DMD: variants seen among roughly 807,000 people sequenced by gnomAD.
DMD encodes dystrophin.
Under a neutral mutation model 330.1 loss-of-function variants are expected in DMD, and 63 were observed. The observed-to-expected ratio is 0.19, with a 90% CI of 0.16 to 0.24. The LOEUF is 0.24. Among genes scored for constraint, DMD ranks in the 10% least tolerant of loss-of-function variants. DMD has a pLI of 1.00. For missense variants in DMD, 3,344 were observed against 2,684.1 expected (o/e 1.25, Z -5.43); for synonymous variants, 1,223 against 959.8 (o/e 1.27, Z -5.07).
intron 11 of DMD, among the ~76,000 whole-genome samples, chrX:32,633,841 C>T (rs971654263): frequency 3.6e-5 from 4 of 111,125 alleles, no homozygotes; most frequent in African/African-American, 1.3e-4. Context: ...TTTTAAACAA[C>T]CAGATCTTGC....
intron 44 of DMD, among the ~76,000 whole-genome samples, chrX:32,063,222 A>G (rs2096240238): frequency 9.2e-6 from 1 of 108,628 alleles, no homozygotes; most frequent in African/African-American, 3.3e-5. Context: ...ACATGATTAT[A>G]TATCCATATC....
At chrX:33,330,586 C>G (rs781224784) in intron 1 of DMD, among the ~76,000 whole-genome samples, 4 of 111,634 alleles carry the variant, frequency 3.6e-5, no homozygotes, top group African/African-American at 1.3e-4. Context: ...TGGGAGGTAA[C>G]TGTTTTCAAA....
chrX:32,733,732 C>T (rs2068035051), intron 7 of DMD, among the ~76,000 whole-genome samples: 1 of 108,326 alleles, frequency 9.2e-6, no homozygotes, highest in Admixed American at 9.9e-5. Context: ...AAAGACACAA[C>T]ATACCAGAAT....
At chrX:31,912,168 C>T (rs1433020910) in intron 47 of DMD, among the ~76,000 whole-genome samples, 1 of 111,006 alleles carries the variant, frequency 9.0e-6, no homozygotes, top group South Asian at 3.8e-4. Flanking sequence ...TGACCCACTA[C>T]CGCTTTCTGA....
chrX:31,528,013 T>C (rs2073376748), intron 55 of DMD, among the ~76,000 whole-genome samples: 1 of 111,443 alleles, frequency 9.0e-6, no homozygotes, highest in Admixed American at 9.6e-5. Flanking sequence ...CTTCCTTTAG[T>C]CATTAAAAAA....
chrX:31,188,162 T>C (rs2148396296), intron 67 of DMD, among the ~76,000 whole-genome samples: 1 of 112,159 alleles, frequency 8.9e-6, no homozygotes, highest in African/African-American at 3.2e-5. Flanking sequence ...GAAGACAAGG[T>C]ACGGGGATTC....
At chrX:32,594,405 A>G (rs1273136363) in intron 13 of DMD, among the ~76,000 whole-genome samples, 1 of 111,405 alleles carries the variant, frequency 9.0e-6, no homozygotes, top group Admixed American at 9.6e-5. Context: ...TGGGCACTCA[A>G]CACTAATAGG....
intron 7 of DMD, among the ~76,000 whole-genome samples, chrX:32,800,650 T>C (rs1027537733): frequency 8.1e-5 from 9 of 111,144 alleles, no homozygotes; most frequent in African/African-American, 2.9e-4. Context: ...GGTGGTTTGC[T>C]GTACCAATCC....
intron 7 of DMD, among the ~76,000 whole-genome samples, chrX:32,792,792 A>T (rs1233815506): frequency 8.9e-6 from 1 of 112,184 alleles, no homozygotes; most frequent in African/African-American, 3.2e-5. Flanking sequence ...TACACCCAAC[A>T]CGAGAGCTCC....
chrX:32,136,903 T>C (rs6631501), intron 44 of DMD, among the ~76,000 whole-genome samples: 1 of 108,468 alleles, frequency 9.2e-6, no homozygotes, highest in African/African-American at 3.4e-5. Context: ...AGATTTACCT[T>C]AAGCTAGATG....
At chrX:31,285,020 A>G (rs1438990838) in intron 62 of DMD, among the ~76,000 whole-genome samples, 3 of 111,078 alleles carry the variant, frequency 2.7e-5, no homozygotes, top group African/African-American at 9.9e-5. Flanking sequence ...CAGTCTGCCA[A>G]TGTACGTAGG....
At chrX:32,815,251 A>C (rs111872270) in intron 6 of DMD, among the ~76,000 whole-genome samples, 1,166 of 107,605 alleles carry the variant, frequency 0.011, 16 homozygotes, top group African/African-American at 0.037. Flanking sequence ...AGAGAAAATT[A>C]ATATTCTTAG....
At chrX:31,666,389 G>A (rs1358695625) in intron 53 of DMD, among the ~76,000 whole-genome samples, 9 of 111,852 alleles carry the variant, frequency 8.0e-5, no homozygotes, top group Admixed American at 7.6e-4. Flanking sequence ...CATGGTCCCC[G>A]AGTGACTAAG....
intron 7 of DMD, among the ~76,000 whole-genome samples, chrX:32,780,092 T>C (rs971000001): frequency 8.9e-6 from 1 of 111,997 alleles, no homozygotes; most frequent in African/African-American, 3.2e-5. Context: ...TTACCCGATA[T>C]GTAGTGTGTA....
chrX:32,012,003 A>G (rs2095712523), intron 44 of DMD, among the ~76,000 whole-genome samples: 1 of 111,866 alleles, frequency 8.9e-6, no homozygotes, highest in African/African-American at 3.2e-5. Context: ...CTGACTCCTC[A>G]AGTCTAAACA....
At chrX:33,107,732 G>A (rs1190048154) in intron 1 of DMD, among the ~76,000 whole-genome samples, 1 of 111,498 alleles carries the variant, frequency 9.0e-6, no homozygotes, top group African/African-American at 3.3e-5. Flanking sequence ...GGACAGTCAA[G>A]TTCCTAAAGA....
At chrX:31,701,277 C>G (rs1017221820) in intron 52 of DMD, among the ~76,000 whole-genome samples, 3 of 112,048 alleles carry the variant, frequency 2.7e-5, no homozygotes, top group Non-Finnish European at 5.6e-5. Flanking sequence ...CGGAAATTAA[C>G]CCCGAAAAAC....
At chrX:32,818,401 A>C (rs1320876402) in intron 5 of DMD, among the ~76,000 whole-genome samples, 1 of 111,421 alleles carries the variant, frequency 9.0e-6, no homozygotes, top group East Asian at 2.8e-4. Flanking sequence ...AATAAAGGGC[A>C]ATGTATGATA....
intron 1 of DMD, among the ~76,000 whole-genome samples, chrX:33,182,252 A>C (rs996544440): frequency 8.9e-6 from 1 of 111,797 alleles, no homozygotes; most frequent in East Asian, 2.8e-4. Context: ...AAAATATTTA[A>C]AGTTACTTCT....
Sources: allele counts gnomAD v4.1 joint callset (sites outside exome capture counted in the v4.1 genomes callset), GRCh38; gene constraint gnomAD v4.1.1; transcripts MANE v1.5; gene names NCBI Gene and HGNC (gene_info 2026-07-23, HGNC 2026-07-21).